The following SCN10A variants were observed in gnomAD, a reference collection of about 807,000 sequenced individuals.
The protein encoded by SCN10A is sodium channel protein type 10 subunit alpha.
A neutral mutation model predicts 170.7 loss-of-function variants in SCN10A; 162 were observed. The observed-to-expected ratio is 0.95, with a 90% confidence interval of 0.84 to 1.08. SCN10A has a LOEUF of 1.08. Among genes scored for constraint, SCN10A ranks in the 50% least tolerant of loss-of-function variants. SCN10A has a pLI of 0.00. For synonymous variants in SCN10A, 985 were observed against 904.6 expected (o/e 1.09, Z -1.59); for missense variants, 2,527 against 2,436.9 (o/e 1.04, Z -0.78).
In SCN10A at chr3:38,757,079, C is replaced by G. The variant is rs2063816667; in HGVS notation, c.1031G>C (p.Trp344Ser). The G allele has an allele frequency of 1.9e-6, 3 of 1,613,878 alleles. No individual in the cohort carries two copies. Among genetic ancestry groups the G allele is most frequent in the Non-Finnish European group, 2.5e-6 (3 of 1,179,908 alleles). ...FNYTSFDSFA[W>S]AFLSLFRLMT... ...GAGGCGGAACAGTGAGAGGAAAGCC[C>G]AAGCAAAGGAATCAAAGCTGGTGTA... Residue 344 changes from tryptophan to serine, a missense_variant, in exon 9 of 28, where the codon TGG becomes TCG. Trp to Ser is a radical substitution (Grantham distance 177). Transcript: ENST00000449082.
intron 13 of SCN10A, among the ~76,000 whole-genome samples, chr3:38,748,831 C>T (rs949625230): frequency 1.2e-4 from 18 of 152,184 alleles, no homozygotes; most frequent in African/African-American, 4.1e-4. Context: ...TTTCTCCTGC[C>T]TTTCTTACTC....
At chr3:38,720,148 G>A (rs569716586) in intron 20 of SCN10A, among the ~76,000 whole-genome samples, 2 of 152,334 alleles carry the variant, frequency 1.3e-5, no homozygotes, top group South Asian at 2.1e-4. Context: ...CTCAGCTTCC[G>A]ATTCTGTGTC....
intron 26 of SCN10A, among the ~76,000 whole-genome samples, chr3:38,703,188 T>C (rs550684795): frequency 6.6e-6 from 1 of 152,334 alleles, no homozygotes; most frequent in Admixed American, 6.5e-5. Flanking sequence ...CACTTCTTCA[T>C]TACTGCCGCT....
intron 13 of SCN10A, among the ~76,000 whole-genome samples, chr3:38,744,417 G>A (rs551844242): frequency 6.6e-6 from 1 of 151,610 alleles, no homozygotes; most frequent in East Asian, 1.9e-4. Context: ...TTAAAAATGT[G>A]TATGTAGTCA....
chr3:38,740,257 G>T (rs774056463), intron 14 of SCN10A, among the ~76,000 whole-genome samples: 1 of 152,178 alleles, frequency 6.6e-6, no homozygotes, highest in African/African-American at 2.4e-5. Flanking sequence ...ATTCTTTTAG[G>T]CTCTGTGTGT....
At chr3:38,782,632 A>G in intron 4 of SCN10A, among the ~76,000 whole-genome samples, 1 of 152,124 alleles carries the variant, frequency 6.6e-6, no homozygotes, top group East Asian at 1.9e-4. Context: ...TTTACATTAA[A>G]ACTCCAAAAG....
chr3:38,807,733 T>C (rs1010801390), intron 1 of SCN10A, among the ~76,000 whole-genome samples: 2 of 152,184 alleles, frequency 1.3e-5, no homozygotes, highest in Admixed American at 6.6e-5. Context: ...CTGTTCTTTC[T>C]GGGTATCTCT....
At chr3:38,783,168 T>C (rs868505429) in intron 4 of SCN10A, among the ~76,000 whole-genome samples, 4 of 152,032 alleles carry the variant, frequency 2.6e-5, no homozygotes, top group Non-Finnish European at 4.4e-5. Context: ...ATCTCCAACA[T>C]AGCAACATGG....
chr3:38,770,412 G>A (rs928993322), intron 5 of SCN10A, among the ~76,000 whole-genome samples: 1 of 152,116 alleles, frequency 6.6e-6, no homozygotes, highest in Non-Finnish European at 1.5e-5. Flanking sequence ...GACCCTTCTT[G>A]GGTAGGGATT....
chr3:38,795,832 C>A (rs1292432010), intron 1 of SCN10A, among the ~76,000 whole-genome samples: 1 of 152,100 alleles, frequency 6.6e-6, no homozygotes, highest in East Asian at 1.9e-4. Flanking sequence ...AATTTTCATG[C>A]ATTATTACAT....
chr3:38,793,319 C>G (rs531193598), intron 2 of SCN10A, among the ~76,000 whole-genome samples: 2 of 152,172 alleles, frequency 1.3e-5, no homozygotes, highest in African/African-American at 2.4e-5. Context: ...TTTGGGGACA[C>G]CAGGGGTTCC....
At chr3:38,723,866 C>T (rs535766593) in intron 18 of SCN10A, among the ~76,000 whole-genome samples, 2 of 152,316 alleles carry the variant, frequency 1.3e-5, no homozygotes, top group South Asian at 2.1e-4. Flanking sequence ...CAGCTCCAGC[C>T]CTATAATGTC....
intron 1 of SCN10A, among the ~76,000 whole-genome samples, chr3:38,795,828 C>G (rs1483320392): frequency 6.6e-6 from 1 of 152,150 alleles, no homozygotes; most frequent in Non-Finnish European, 1.5e-5. Context: ...AAGCAATTTT[C>G]ATGCATTATT....
chr3:38,772,401 C>G (rs1019154209), intron 4 of SCN10A, among the ~76,000 whole-genome samples: 4 of 151,630 alleles, frequency 2.6e-5, no homozygotes, highest in Non-Finnish European at 5.9e-5. Context: ...AGAAATAAAA[C>G]TGTATTGGCC....
chr3:38,759,044 A>G (rs1013988692), intron 8 of SCN10A, among the ~76,000 whole-genome samples: 2 of 152,204 alleles, frequency 1.3e-5, no homozygotes, highest in Non-Finnish European at 2.9e-5. Context: ...CAGTCCAAGG[A>G]ACCTGATGTT....
chr3:38,713,897 G>A, intron 22 of SCN10A, 61 bp downstream of exon 22: 1 of 1,596,048 alleles, frequency 6.3e-7, no homozygotes, highest in Admixed American at 1.7e-5. Context: ...CAAAGTGCTG[G>A]GATTACAGGC....
intron 4 of SCN10A, among the ~76,000 whole-genome samples, chr3:38,776,142 G>T (rs1426315191): frequency 6.6e-6 from 1 of 151,970 alleles, no homozygotes; most frequent in Non-Finnish European, 1.5e-5. Flanking sequence ...AGGATCATTG[G>T]TCCAATAAAA....
intron 5 of SCN10A, 47 bp from the exon 6 acceptor site, chr3:38,763,643 G>A (rs1433403564): frequency 2.9e-6 from 4 of 1,373,214 alleles, no homozygotes; most frequent in East Asian, 2.3e-5. Context: ...AAGGGTCCTG[G>A]GGATGCATGC....
intron 1 of SCN10A, among the ~76,000 whole-genome samples, chr3:38,806,228 G>A (rs1421606167): frequency 6.6e-6 from 1 of 152,146 alleles, no homozygotes; most frequent in African/African-American, 2.4e-5. Flanking sequence ...ACTTAAAACA[G>A]CTCTGCCCAC....
Sources: gnomAD v4.1 joint callset for allele counts (sites outside exome capture counted in the v4.1 genomes callset) on GRCh38, gnomAD v4.1.1 for gene constraint, MANE v1.5 for transcripts, NCBI Gene and HGNC (gene_info 2026-07-23, HGNC 2026-07-21) for gene names.